Variants in AK9 observed in about 807,000 individuals in gnomAD.
AK9 encodes the protein adenylate kinase domain containing 1.
A neutral mutation model predicts 239.6 loss-of-function variants in AK9; 191 were observed. The observed-to-expected ratio is 0.80, with a 90% CI of 0.71 to 0.90. AK9 has a LOEUF of 0.90. Ranked by LOEUF, AK9 falls within the 40% of genes least tolerant of loss-of-function variation. The pLI is 0.00. For synonymous variants in AK9, 689 were observed against 721.0 expected (o/e 0.96, Z 0.71); for missense variants, 1,995 against 2,214.7 (o/e 0.90, Z 1.99).
chr6:109,685,307 C>G (rs1024494635), intron 1 of AK9, among the ~76,000 whole-genome samples: 1 of 152,000 alleles, frequency 6.6e-6, no homozygotes, highest in African/African-American at 2.4e-5. Flanking sequence ...CTATTTACTA[C>G]AGAAAAGACT....
intron 24 of AK9, among the ~76,000 whole-genome samples, chr6:109,557,307 C>T (rs1280932801): frequency 6.6e-6 from 1 of 152,022 alleles, no homozygotes; most frequent in African/African-American, 2.4e-5. Context: ...ATCTGATTTG[C>T]CCCCATGCCT....
chr6:109,641,602 T>C lies in AK9; in HGVS notation c.849A>G (p.Arg283=), dbSNP rs1362979689. 3.1e-6 allele frequency: 5 copies of C among 1,612,240 alleles called. No homozygotes were observed. Among genetic ancestry groups the C allele is most frequent in the Non-Finnish European group, 3.4e-6 (4 of 1,178,352 alleles). The change falls in exon 10 of 41, where the codon CGA becomes CGG. Residue 283 remains arginine (R), a synonymous_variant. Coordinates refer to ENST00000424296, the MANE Select transcript of AK9 (RefSeq NM_001145128.3). ...CTCTTTTTAGGTTCAGATATTTAAG[T>C]CGATCCATAACAATCTAGATTTAAA... ...AEELFMIVMD[R]LKYLNLKRAA... is the part of the protein sequence containing the mutation.
chr6:109,564,666 C>CCA (rs1179390450), intron 22 of AK9, 90 bp downstream of exon 22: 22 of 912,100 alleles, frequency 2.4e-5, no homozygotes, highest in Non-Finnish European at 3.4e-5. Flanking sequence ...ATAAGTATGA[C>CCA]GCACCTACTA....
At position 109,497,905 on chromosome 6, in the gene AK9, C is replaced by T; in HGVS notation, c.5107G>A (p.Ala1703Thr). ...GTCAGTCTTTTGGGGATCATGTCAG[C>T]AGATGGGAGTGGATGAGGTGCTAAG... ...PPLAPHPLPS[A>T]DMIPKRLTLS... Residue 1703 changes from alanine (A) to threonine (T), a missense_variant, in exon 37 of 41, where the codon GCT becomes ACT. Physicochemically the swap from Ala to Thr is moderately conservative, Grantham distance 58. Coordinates refer to ENST00000424296, the MANE Select transcript of AK9 (RefSeq NM_001145128.3). The T allele has an allele frequency of 6.2e-7, 1 of 1,614,068 alleles. No individual in the cohort carries two copies. The highest frequency in any genetic ancestry group is 8.5e-7 in the Non-Finnish European group (1 of 1,179,968).
intron 8 of AK9, among the ~76,000 whole-genome samples, chr6:109,647,001 T>G (rs372933889): frequency 6.6e-6 from 1 of 152,134 alleles, no homozygotes; most frequent in Admixed American, 6.6e-5. Flanking sequence ...GCTTCATAAC[T>G]GAAGGAGAAA....
At chr6:109,550,359 G>C in intron 24 of AK9, 57 bp from the exon 25 acceptor site, 1 of 1,480,470 alleles carries the variant, frequency 6.8e-7, no homozygotes, top group South Asian at 1.2e-5. Flanking sequence ...TTTTGATGCA[G>C]ATAATTTTTT....
At chr6:109,554,825 C>T (rs1032562766) in intron 24 of AK9, among the ~76,000 whole-genome samples, 4 of 152,154 alleles carry the variant, frequency 2.6e-5, no homozygotes, top group African/African-American at 7.2e-5. Context: ...AACCACCACA[C>T]CCAGCCCAGC....
intron 12 of AK9, among the ~76,000 whole-genome samples, chr6:109,623,862 GACACACACACACACACACACAC>G (rs567410173): frequency 7.3e-6 from 1 of 136,120 alleles, no homozygotes; most frequent in Non-Finnish European, 1.6e-5. Context: ...AGGAATCTTA[GACACACACACACACACACACAC>G]ACACACACAC....
intron 17 of AK9, among the ~76,000 whole-genome samples, chr6:109,593,064 CT>C (rs1435609489): frequency 4.0e-5 from 6 of 151,868 alleles, no homozygotes; most frequent in African/African-American, 1.5e-4. Context: ...TATTACTTTT[CT>C]TTCTTTATTT....
At chr6:109,601,899 C>T (rs563182577) in intron 17 of AK9, among the ~76,000 whole-genome samples, 1 of 152,176 alleles carries the variant, frequency 6.6e-6, no homozygotes, top group Admixed American at 6.5e-5. Context: ...GATTGCAACC[C>T]CTGCCTTTTT....
intron 21 of AK9, among the ~76,000 whole-genome samples, chr6:109,568,726 T>C (rs985924913): frequency 6.6e-6 from 1 of 152,120 alleles, no homozygotes. Context: ...TTACAAGGGA[T>C]GTGAAGGACC....
At chr6:109,568,680 T>C (rs577875929) in intron 21 of AK9, among the ~76,000 whole-genome samples, 1 of 152,084 alleles carries the variant, frequency 6.6e-6, no homozygotes, top group Admixed American at 6.6e-5. Context: ...TCAATCACAA[T>C]TGCTTCAAAG....
intron 17 of AK9, among the ~76,000 whole-genome samples, chr6:109,597,263 T>C (rs916799896): frequency 6.6e-6 from 1 of 152,218 alleles, no homozygotes; most frequent in Admixed American, 6.5e-5. Context: ...TGTTTGAAAG[T>C]GACTCTATCA....
chr6:109,643,968 C>T (rs1797747410), intron 9 of AK9, among the ~76,000 whole-genome samples: 1 of 152,166 alleles, frequency 6.6e-6, no homozygotes, highest in African/African-American at 2.4e-5. Context: ...TGTCTTTATG[C>T]TATGAACTGC....
intron 40 of AK9, 28 bp from the exon 41 acceptor site, chr6:109,493,599 T>C: frequency 6.4e-7 from 1 of 1,570,370 alleles, no homozygotes; most frequent in Non-Finnish European, 8.7e-7. Flanking sequence ...GAACTGTGAA[T>C]AATTTCTGCT....
chr6:109,672,219 A>T, intron 3 of AK9, 52 bp from the exon 4 acceptor site: 1 of 1,439,220 alleles, frequency 6.9e-7, no homozygotes, highest in South Asian at 1.2e-5. Context: ...GATCACCAAA[A>T]TAAGAAACAC....
At position 109,493,395 on chromosome 6, in the gene AK9, T is replaced by TGA. The variant is rs1325930894; in HGVS notation, c.5708_5709dup (p.Arg1904SerfsTer4). The TGA allele has an allele frequency of 1.9e-6, 3 of 1,613,958 alleles. No homozygotes were observed. The highest frequency in any genetic ancestry group is 2.7e-5 in the African/African-American group (2 of 74,934). ...TACCCATTAATTGGGTCTATATTTC[T>TGA]GAGAGAGAGAAAGGTCTTTAACTTA... On this transcript the variant is annotated frameshift_variant, in exon 41 of 41. Coordinates refer to ENST00000424296, the MANE Select transcript of AK9 (RefSeq NM_001145128.3). LOFTEE classifies it high-confidence loss of function.
intron 17 of AK9, among the ~76,000 whole-genome samples, chr6:109,604,341 A>G (rs1792551005): frequency 6.6e-6 from 1 of 152,208 alleles, no homozygotes. Flanking sequence ...CAATGTTAAT[A>G]CACTTTCTAC....
chr6:109,628,598 G>A (rs1207575145), intron 12 of AK9, among the ~76,000 whole-genome samples: 1 of 152,196 alleles, frequency 6.6e-6, no homozygotes, highest in Non-Finnish European at 1.5e-5. Context: ...TCCATCAACA[G>A]TTTTTAAAAC....
Sources: gnomAD v4.1 joint callset for allele counts (sites outside exome capture counted in the v4.1 genomes callset) on GRCh38, gnomAD v4.1.1 for gene constraint, MANE v1.5 for transcripts, NCBI Gene and HGNC (gene_info 2026-07-23, HGNC 2026-07-21) for gene names.